Variants in SLC7A2 observed in about 807,000 individuals in gnomAD.
SLC7A2 encodes cationic amino acid transporter 2.
A neutral mutation model predicts 58.9 loss-of-function variants in SLC7A2; 48 were observed. The observed-to-expected ratio is 0.82, with a 90% CI of 0.65 to 1.04. The LOEUF (loss-of-function observed/expected upper bound fraction) is 1.04, where lower values mean the gene tolerates loss of function less well. Among genes scored for constraint, SLC7A2 ranks in the 50% least tolerant of loss-of-function variants. SLC7A2 has a pLI of 0.00. For missense variants in SLC7A2, 1,029 were observed against 818.8 expected (o/e 1.26, Z -3.13); for synonymous variants, 363 against 314.5 (o/e 1.15, Z -1.63).
chr8:17,534,552 C>T (rs961535883), intron 2 of SLC7A2, among the ~76,000 whole-genome samples: 2 of 152,108 alleles, frequency 1.3e-5, no homozygotes, highest in African/African-American at 4.8e-5. Context: ...ATGAAAATAT[C>T]ATGCCAAATA....
Position 17,548,671 on chromosome 8 carries a change from T to C in SLC7A2, c.533-7T>C. On this transcript the variant is annotated splice_region_variant and splice_polypyrimidine_tract_variant and intron_variant, in intron 4 of 12. Coordinates refer to ENST00000494857, the MANE Select transcript of SLC7A2 (RefSeq NM_001370338.1). The stretch of plus-strand genomic sequence containing the variant: ...TAAATAAAAATTGAAATGCCCTTTT[T>C]CCATAGGTCTTTTGTCTTTTGGAGT... 1 of 1,588,538 alleles carries C rather than the reference T, an allele frequency of 6.3e-7. No individual in the cohort carries two copies. Among genetic ancestry groups the C allele is most frequent in the Non-Finnish European group, 8.6e-7 (1 of 1,169,470 alleles).
At chr8:17,538,702 A>T (rs867525400) in intron 2 of SLC7A2, 6 of 1,197,606 alleles carry the variant, frequency 5.0e-6, no homozygotes, top group Non-Finnish European at 6.9e-6. Context: ...GCAAAATAAA[A>T]AAGATCTAGG....
rs541037936 is a variant in SLC7A2, at chr8:17,564,685, G to A, written c.1781-265G>A. 3.9e-5 allele frequency among the ~76,000 whole-genome samples: 6 copies of A among 152,260 alleles called. No individual in the cohort carries two copies. In the South Asian group the frequency reaches 1.0e-3, roughly 26 times the overall value. ...CTAATGCTGCCCTGCTCTGACAGGA[G>A]GCAGAGCTCAGGTGGTAATGTTCAC... On this transcript the variant is annotated intron_variant, in intron 12 of 12. Coordinates refer to ENST00000494857, the MANE Select transcript of SLC7A2 (RefSeq NM_001370338.1).
intron 11 of SLC7A2, among the ~76,000 whole-genome samples, chr8:17,562,676 G>T (rs1027579643): frequency 6.6e-6 from 1 of 152,186 alleles, no homozygotes; most frequent in Admixed American, 6.5e-5. Flanking sequence ...CTTCTACATT[G>T]GTCCTCTTAC....
At chr8:17,539,603 A>G (rs539082839) in intron 2 of SLC7A2, among the ~76,000 whole-genome samples, 1 of 152,166 alleles carries the variant, frequency 6.6e-6, no homozygotes, top group East Asian at 1.9e-4. Flanking sequence ...TCAGAGCCTT[A>G]TATTCTAAGG....
rs1803305984 is a variant in SLC7A2, at chr8:17,567,226, A to G, written c.*2080A>G. On this transcript the variant is annotated 3_prime_UTR_variant, in exon 13 of 13. Coordinates refer to ENST00000494857, the MANE Select transcript of SLC7A2 (RefSeq NM_001370338.1). Reference sequence around the variant, plus strand: ...ATGCTCATAAATCCTTGCTGTTGTCACAGTACGCTGAAAACCCGTTTGATT... The same window carrying G: ...ATGCTCATAAATCCTTGCTGTTGTCGCAGTACGCTGAAAACCCGTTTGATT... 1 of 152,586 alleles carries G rather than the reference A, an allele frequency of 6.6e-6. No homozygotes were observed. Among genetic ancestry groups the G allele is most frequent in the Admixed American group, 6.5e-5 (1 of 15,278 alleles). The allele number at this position is 152,586 out of a possible 1,614,324, so 9.5% of individuals were successfully genotyped here.
At position 17,565,035 on chromosome 8, in the gene SLC7A2, A is replaced by T. The variant is rs541449722; in HGVS notation, c.1866A>T (p.Pro622=). ...RDENNEEDAY[P]DNVHAAAEEK... is the part of the protein sequence containing the mutation. ...AAAACAATGAAGAAGATGCTTATCC[A>T]GACAACGTTCATGCAGCAGCAGAAG... Residue 622 remains proline (P), a synonymous_variant, in exon 13 of 13, where the codon CCA becomes CCT. Coordinates refer to ENST00000494857, the MANE Select transcript of SLC7A2 (RefSeq NM_001370338.1). 1 of 1,614,020 alleles carries T rather than the reference A, an allele frequency of 6.2e-7. No individual in the cohort carries two copies. The highest frequency in any genetic ancestry group is 1.3e-5 in the African/African-American group (1 of 75,038).
intron 2 of SLC7A2, among the ~76,000 whole-genome samples, chr8:17,515,623 T>G (rs1800775806): frequency 6.6e-6 from 1 of 152,114 alleles, no homozygotes; most frequent in African/African-American, 2.4e-5. Flanking sequence ...GATGGGGATG[T>G]TGAGTGGGGT....
At chr8:17,522,881 A>T (rs138062963) in intron 2 of SLC7A2, among the ~76,000 whole-genome samples, 353 of 152,154 alleles carry the variant, frequency 2.3e-3, no homozygotes, top group Middle Eastern at 6.8e-3. Flanking sequence ...ATAAAAAAAT[A>T]AAAATATTAG....
At chr8:17,513,877 C>T (rs573292215) in intron 2 of SLC7A2, among the ~76,000 whole-genome samples, 1 of 152,172 alleles carries the variant, frequency 6.6e-6, no homozygotes, top group African/African-American at 2.4e-5. Flanking sequence ...CACATATTGC[C>T]AAAAACCTGT....
chr8:17,495,265 G>T (rs1373043452), upstream of SLC7A2, among the ~76,000 whole-genome samples: 1 of 151,992 alleles, frequency 6.6e-6, no homozygotes, highest in African/African-American at 2.4e-5. Context: ...TTTTAAACCA[G>T]GTGAAAAATG....
At chr8:17,549,416 C>T (rs1048541358) in intron 5 of SLC7A2, among the ~76,000 whole-genome samples, 1 of 152,224 alleles carries the variant, frequency 6.6e-6, no homozygotes, top group African/African-American at 2.4e-5. Flanking sequence ...ACTGTGTGAA[C>T]CCATGCAGCT....
At chr8:17,533,974 C>G (rs561961951) in intron 2 of SLC7A2, among the ~76,000 whole-genome samples, 1 of 152,154 alleles carries the variant, frequency 6.6e-6, no homozygotes, top group South Asian at 2.1e-4. Flanking sequence ...TCCATGTGTT[C>G]TCATTGCTCA....
At position 17,548,858 on chromosome 8, in the gene SLC7A2, G is replaced by T; in HGVS notation, c.698+15G>T. On this transcript the variant is annotated intron_variant, in intron 5 of 12. Coordinates refer to ENST00000494857, the MANE Select transcript of SLC7A2 (RefSeq NM_001370338.1). ...GCAAGTGCCAGGTAAAATATTTGAG[G>T]TTTTTTTTTTTCTCCTTCTTGTTTA... 1 of 1,201,694 alleles carries T rather than the reference G, an allele frequency of 8.3e-7. No homozygotes were observed. Among genetic ancestry groups the T allele is most frequent in the South Asian group, 1.6e-5 (1 of 63,526 alleles). 74.4% of individuals were successfully genotyped at this position (1,201,694 alleles called of 1,614,324 possible).
Position 17,548,753 on chromosome 8 carries a change from T to C in SLC7A2, c.608T>C (p.Leu203Pro). 6.2e-7 allele frequency: 1 copy of C among 1,613,992 alleles called. No individual in the cohort carries two copies. Among genetic ancestry groups the C allele is most frequent in the Non-Finnish European group, 8.5e-7 (1 of 1,179,878 alleles). Residue 203 changes from leucine to proline, a missense_variant, in exon 5 of 13, where the codon CTG becomes CCG. By Grantham distance (98) the Leu-to-Pro change is moderately conservative. Transcript: ENST00000494857. ...VFTAVNILVL[L>P]FVMVAGFVKG... ...ACAGCTGTTAATATTCTCGTCCTTC[T>C]GTTTGTGATGGTTGCTGGGTTTGTG...
At chr8:17,563,326 A>C (rs1034292617) in intron 11 of SLC7A2, among the ~76,000 whole-genome samples, 2 of 152,124 alleles carry the variant, frequency 1.3e-5, no homozygotes, top group African/African-American at 4.8e-5. Context: ...TGTGTGTCTA[A>C]ATGAAATCAG....
chr8:17,528,303 T>C (rs1801300755), intron 2 of SLC7A2, among the ~76,000 whole-genome samples: 1 of 152,194 alleles, frequency 6.6e-6, no homozygotes, highest in Non-Finnish European at 1.5e-5. Context: ...TTTGCCTCCC[T>C]ACATCTGGAA....
intron 2 of SLC7A2, among the ~76,000 whole-genome samples, chr8:17,540,180 A>T (rs997370501): frequency 5.3e-5 from 8 of 152,158 alleles, no homozygotes; most frequent in Non-Finnish European, 1.5e-5. Flanking sequence ...TGACTCATTA[A>T]ATTGACCCAA....
intron 2 of SLC7A2, among the ~76,000 whole-genome samples, chr8:17,524,419 TGTACACACAC>T (rs1208068614): frequency 7.3e-4 from 102 of 139,424 alleles, no homozygotes; most frequent in African/African-American, 2.4e-3. Flanking sequence ...TGTGTGTGTG[TGTACACACAC>T]ACACACACAC....
Sources: gnomAD v4.1 joint callset for allele counts (sites outside exome capture counted in the v4.1 genomes callset) on GRCh38, gnomAD v4.1.1 for gene constraint, MANE v1.5 for transcripts, NCBI Gene and HGNC (gene_info 2026-07-23, HGNC 2026-07-21) for gene names.